Variants in CASK observed in about 807,000 individuals in gnomAD.
CASK encodes the protein calcium/calmodulin dependent serine protein kinase.
CASK carries 4 observed loss-of-function variants against 82.9 expected under a neutral mutation model. That is an observed-to-expected ratio of 0.05 (90% CI 0.02 to 0.11). The LOEUF is 0.11. Ranked by LOEUF, CASK falls within the 10% of genes least tolerant of loss-of-function variation. The pLI, the probability that CASK is intolerant of heterozygous loss-of-function variation, is 1.00. For missense variants in CASK, 358 were observed against 720.9 expected, an observed-to-expected ratio of 0.50 and a Z score of 5.76; for synonymous variants, 259 against 253.5, an observed-to-expected ratio of 1.02 and a Z score of -0.20.
At chrX:41,673,514 G>T (rs1196789569) in intron 5 of CASK, among the ~76,000 whole-genome samples, 1 of 111,883 alleles carries the variant, frequency 8.9e-6, no homozygotes, top group Non-Finnish European at 1.9e-5. Flanking sequence ...GTAAAATTAA[G>T]CTGGTAAGGA....
chrX:41,873,663 A>G (rs1264734352), intron 1 of CASK, among the ~76,000 whole-genome samples: 1 of 111,992 alleles, frequency 8.9e-6, no homozygotes, highest in Non-Finnish European at 1.9e-5. Context: ...AACACATCAA[A>G]AAGCCATTAT....
At chrX:41,793,508 G>A (rs2069779047) in intron 2 of CASK, among the ~76,000 whole-genome samples, 1 of 111,885 alleles carries the variant, frequency 8.9e-6, no homozygotes, top group African/African-American at 3.2e-5. Context: ...ATTGTAACTA[G>A]TGATAGTCAG....
At chrX:41,863,563 T>C (rs2071533236) in intron 1 of CASK, among the ~76,000 whole-genome samples, 1 of 112,423 alleles carries the variant, frequency 8.9e-6, no homozygotes, top group Non-Finnish European at 1.9e-5. Flanking sequence ...ACAGGAACAC[T>C]CCTCTTAAGG....
intron 8 of CASK, chrX:41,660,189 G>A (rs2067010442): frequency 2.4e-6 from 1 of 423,756 alleles, no homozygotes; most frequent in Non-Finnish European, 4.1e-6. Context: ...GAAAAAAGAG[G>A]CCTTCCCCTG....
chrX:41,535,935 A>C (rs1470304233), intron 22 of CASK, among the ~76,000 whole-genome samples: 1 of 111,748 alleles, frequency 8.9e-6, no homozygotes. Flanking sequence ...AAAGGGCTAA[A>C]ATTGTATGTC....
chrX:41,547,645 T>TG (rs2065041628), intron 21 of CASK, among the ~76,000 whole-genome samples: 1 of 107,209 alleles, frequency 9.3e-6, no homozygotes, highest in Non-Finnish European at 1.9e-5. Context: ...TTTTTTGAGA[T>TG]GGAGTCTTGC....
At chrX:41,712,998 A>T (rs2068003876) in intron 5 of CASK, among the ~76,000 whole-genome samples, 1 of 111,416 alleles carries the variant, frequency 9.0e-6, no homozygotes, top group Non-Finnish European at 1.9e-5. Flanking sequence ...CTGATCCCCG[A>T]GTCTTCTGGG....
intron 1 of CASK, among the ~76,000 whole-genome samples, chrX:41,921,494 A>G (rs1397657531): frequency 8.9e-6 from 1 of 112,306 alleles, no homozygotes; most frequent in African/African-American, 3.2e-5. Flanking sequence ...GGCTACTAGA[A>G]AATTTTAAAT....
At chrX:41,917,328 T>C (rs1404295726) in intron 1 of CASK, among the ~76,000 whole-genome samples, 1 of 112,423 alleles carries the variant, frequency 8.9e-6, no homozygotes, top group Non-Finnish European at 1.9e-5. Context: ...GAGGGATAAA[T>C]GTCAATCCCT....
chrX:41,727,258 G>A lies in CASK; in HGVS notation c.429+12126C>T, dbSNP rs775525606. 9.1e-6 allele frequency: 11 copies of A among 1,206,489 alleles called. No individual in the cohort carries two copies. The highest frequency in any genetic ancestry group is 2.2e-5 in the Admixed American group (1 of 45,758). On this transcript the variant is annotated intron_variant, in intron 5 of 26. Transcript: ENST00000378163. ...TTTCATGAGTATCTATTTCCTGAAA[G>A]GTTTCCAATGGGAATATCAATCTGC... is the stretch of plus-strand genomic sequence containing the variant.
At chrX:41,771,637 C>T (rs1166279817) in intron 3 of CASK, among the ~76,000 whole-genome samples, 6 of 110,889 alleles carry the variant, frequency 5.4e-5, no homozygotes, top group Non-Finnish European at 7.5e-5. Context: ...TGATGTGTTA[C>T]GAAGCATACT....
intron 2 of CASK, among the ~76,000 whole-genome samples, chrX:41,808,013 G>A (rs1408670598): frequency 1.8e-5 from 2 of 111,093 alleles, no homozygotes; most frequent in African/African-American, 3.3e-5. Flanking sequence ...CTGCCACCAT[G>A]CCCAGTTAAT....
intron 5 of CASK, among the ~76,000 whole-genome samples, chrX:41,705,838 T>C (rs1234554290): frequency 9.0e-6 from 1 of 111,698 alleles, no homozygotes; most frequent in Non-Finnish European, 1.9e-5. Context: ...CCTTCCTACA[T>C]TTCCTGCCTT....
chrX:41,909,965 T>C (rs1053407086), intron 1 of CASK, among the ~76,000 whole-genome samples: 1 of 110,732 alleles, frequency 9.0e-6, no homozygotes, highest in Non-Finnish European at 1.9e-5. Context: ...CTCATGCCTG[T>C]AATCCCAGCA....
At chrX:41,589,646 C>T (rs2065713861) in intron 12 of CASK, 54 bp from the exon 13 acceptor site, 1 of 831,534 alleles carries the variant, frequency 1.2e-6, no homozygotes, top group Non-Finnish European at 1.8e-6. Context: ...TGCTAAAAAT[C>T]AGAGCTTCAT....
intron 9 of CASK, chrX:41,635,619 T>G (rs2066537147): frequency 9.0e-6 from 1 of 111,288 alleles, no homozygotes; most frequent in Non-Finnish European, 1.9e-5. Context: ...AAAGATTCCA[T>G]TACTTTATGT....
chrX:41,792,289 AT>A (rs757353818), intron 2 of CASK, among the ~76,000 whole-genome samples: 13,614 of 91,148 alleles, frequency 0.15, 1,006 homozygotes, highest in Middle Eastern at 0.29. Flanking sequence ...TTCAATAAGG[AT>A]TTTTTTTTTT....
intron 6 of CASK, among the ~76,000 whole-genome samples, chrX:41,668,640 G>A (rs1023741995): frequency 2.7e-5 from 3 of 111,795 alleles, no homozygotes; most frequent in African/African-American, 9.7e-5. Context: ...ATAAAGAAAT[G>A]AATTCCTTTC....
chrX:41,800,435 A>G lies in CASK; in HGVS notation c.173-13152T>C, dbSNP rs954101060. 3.6e-5 allele frequency among the ~76,000 whole-genome samples: 4 copies of G among 111,297 alleles called. No individual in the cohort carries two copies. In the Admixed American group the frequency reaches 3.8e-4, roughly 11 times the overall value. ...GGTATAGCAAGTCTCAAAGACTAGA[A>G]AAACTTGTCCCTGACAAGGGACTCA... On this transcript the variant is annotated intron_variant, in intron 2 of 26. Coordinates refer to ENST00000378163, the MANE Select transcript of CASK (RefSeq NM_001367721.1).
Sources: gnomAD v4.1 joint callset for allele counts (sites outside exome capture counted in the v4.1 genomes callset) on GRCh38, gnomAD v4.1.1 for gene constraint, MANE v1.5 for transcripts, NCBI Gene and HGNC (gene_info 2026-07-23, HGNC 2026-07-21) for gene names.